The following TRAK2 variants were observed in gnomAD, a reference collection of about 807,000 sequenced individuals.
TRAK2 encodes trafficking kinesin protein 2.
In TRAK2, 81 loss-of-function variants were observed where a neutral mutation model predicts 104.6. The ratio of observed to expected loss-of-function variants is 0.77; its 90% CI spans 0.65 to 0.93. The LOEUF is 0.93. TRAK2 is among the 40% of genes least tolerant of loss of function. The pLI is 0.00. For synonymous variants in TRAK2, 406 were observed against 394.4 expected (o/e 1.03, Z -0.35); for missense variants, 1,002 against 1,089.0 (o/e 0.92, Z 1.12).
At position 201,377,553 on chromosome 2, in the gene TRAK2, A is replaced by G. The variant is rs1228907999; in HGVS notation, c.*2990T>C. The G allele has an allele frequency of 6.6e-6, 1 of 152,580 alleles. No individual in the cohort carries two copies. The highest frequency in any genetic ancestry group is 1.5e-5 in the Non-Finnish European group (1 of 68,038). 9.5% of individuals were successfully genotyped at this position (152,580 alleles called of 1,614,324 possible). ...CTGTACTAAAATGGTCAGAAAAGAT[A>G]ACAAGCTTTGAGTACTGTGTAAAAT... On this transcript the variant is annotated 3_prime_UTR_variant, in exon 16 of 16. Coordinates refer to ENST00000332624, the MANE Select transcript of TRAK2 (RefSeq NM_015049.3).
At chr2:201,401,192 C>T (rs912849710) in intron 3 of TRAK2, 98 bp from the exon 4 acceptor site, 2 of 704,532 alleles carry the variant, frequency 2.8e-6, no homozygotes, top group Admixed American at 2.9e-5. Flanking sequence ...AAAACCCCAG[C>T]CTTTTACAAA....
rs1310696920 is a variant in TRAK2, at chr2:201,429,539, G to A, written c.-199-8833C>T. 2.0e-5 allele frequency among the ~76,000 whole-genome samples: 3 copies of A among 152,090 alleles called. No homozygotes were observed. In the East Asian group the frequency reaches 5.8e-4, roughly 29 times the overall value. On this transcript the variant is annotated intron_variant, in intron 1 of 15. Transcript: ENST00000332624. ...TTGGTCTTTTCACACAGTCCCATAT[G>A]CCCTGGAGGCTTTGTTCATTTCTTT...
chr2:201,395,969 T>C (rs1406199129), intron 7 of TRAK2, among the ~76,000 whole-genome samples: 1 of 152,228 alleles, frequency 6.6e-6, no homozygotes, highest in Non-Finnish European at 1.5e-5. Flanking sequence ...CTTTCTGGCA[T>C]ACCCCTTTCA....
At chr2:201,412,838 G>T in intron 2 of TRAK2, 1 of 861,698 alleles carries the variant, frequency 1.2e-6, no homozygotes, top group Non-Finnish European at 2.0e-6. Flanking sequence ...GAAACCTGAA[G>T]CAAACCACAT....
intron 2 of TRAK2, chr2:201,411,458 T>C: frequency 1.3e-6 from 1 of 744,274 alleles, no homozygotes; most frequent in Non-Finnish European, 2.5e-6. Context: ...TTTGATTTCC[T>C]ATGTCCAAAG....
chr2:201,389,276 T>A (rs750592621), intron 12 of TRAK2, 24 bp downstream of exon 12: 2 of 1,605,624 alleles, frequency 1.2e-6, no homozygotes, highest in Admixed American at 1.7e-5. Flanking sequence ...AAATGCAGAA[T>A]CACTGTTATC....
intron 2 of TRAK2, among the ~76,000 whole-genome samples, chr2:201,414,201 T>G (rs1951672758): frequency 6.6e-6 from 1 of 152,186 alleles, no homozygotes; most frequent in Admixed American, 6.5e-5. Context: ...TGAGCTTTTG[T>G]GTTTTTATGT....
Position 201,389,453 on chromosome 2 carries a change from C to G in TRAK2, c.1244G>C (p.Arg415Pro). 1.2e-6 allele frequency: 2 copies of G among 1,614,066 alleles called. No individual in the cohort carries two copies. The highest frequency in any genetic ancestry group is 1.7e-6 in the Non-Finnish European group (2 of 1,179,998). Reference sequence around the variant, plus strand: ...AGCTGGGAATGAGATAGAGCGGCCCCGTGTGTCATTGGCAATCCTGACGGT... The same window carrying G: ...AGCTGGGAATGAGATAGAGCGGCCCGGTGTGTCATTGGCAATCCTGACGGT... ...FDTVRIANDT[R>P]GRSISFPALL... The change falls in exon 12 of 16, where the codon CGG (arginine) becomes CCG (proline). Residue 415 changes from arginine (R) to proline (P), a missense_variant. Transcript: ENST00000332624.
At chr2:201,411,140 A>G in intron 2 of TRAK2, 1 of 812,448 alleles carries the variant, frequency 1.2e-6, no homozygotes, top group South Asian at 1.5e-5. Context: ...CAGAAAGGCT[A>G]GTCAAAGATG....
chr2:201,395,106 C>A, intron 8 of TRAK2: 3 of 612,400 alleles, frequency 4.9e-6, no homozygotes, highest in Non-Finnish European at 5.5e-6. Flanking sequence ...AAGCACTAAC[C>A]CCATTTTACA....
intron 3 of TRAK2, among the ~76,000 whole-genome samples, chr2:201,403,335 C>A (rs111548814): frequency 6.6e-6 from 1 of 152,172 alleles, no homozygotes; most frequent in East Asian, 1.9e-4. Context: ...ATGTTCAAGA[C>A]CACGAAGAAA....
chr2:201,402,863 G>C (rs1019578513), intron 3 of TRAK2, among the ~76,000 whole-genome samples: 3 of 152,174 alleles, frequency 2.0e-5, no homozygotes, highest in African/African-American at 7.2e-5. Flanking sequence ...GGCGCTGGTA[G>C]TATGCAGAAG....
chr2:201,395,884 C>T (rs1951496830), intron 7 of TRAK2, among the ~76,000 whole-genome samples: 1 of 152,148 alleles, frequency 6.6e-6, no homozygotes, highest in Non-Finnish European at 1.5e-5. Flanking sequence ...AACAAAGGAA[C>T]ATTTCCAGAA....
At chr2:201,382,859 A>G (rs992582903) in intron 15 of TRAK2, among the ~76,000 whole-genome samples, 7 of 152,214 alleles carry the variant, frequency 4.6e-5, no homozygotes, top group African/African-American at 1.4e-4. Context: ...CATGGCTAAC[A>G]TAAGACTTTA....
intron 4 of TRAK2, among the ~76,000 whole-genome samples, chr2:201,400,154 G>T (rs13029007): frequency 0.5 from 76,581 of 151,738 alleles, 21,098 homozygotes; most frequent in South Asian, 0.67. Context: ...ATGCAGGGAA[G>T]TCTGTAGAAA....
chr2:201,399,490 C>G lies in TRAK2; in HGVS notation c.367G>C (p.Asp123His). The change falls in exon 5 of 16, where the codon GAT (aspartate) becomes CAT (histidine). Residue 123 changes from aspartate to histidine, a missense_variant. By Grantham distance (81) the Asp-to-His change is moderately conservative. Coordinates refer to ENST00000332624, the MANE Select transcript of TRAK2 (RefSeq NM_015049.3). ...CGAGCAGCGAGTTCCAGATCACGAT[C>G]CCTCTGTTAAAATACCAAATACACC... Reference protein sequence around the residue: ...DMVTHLLAERDRDLELAARIG... With the variant: ...DMVTHLLAERHRDLELAARIG... The G allele has an allele frequency of 6.2e-6, 10 of 1,611,066 alleles. No homozygotes were observed. The highest frequency in any genetic ancestry group is 8.5e-6 in the Non-Finnish European group (10 of 1,177,692).
Position 201,436,737 on chromosome 2 carries a change from A to C in TRAK2, c.-200+14613T>G, listed in dbSNP as rs555808529. Among the ~76,000 whole-genome samples the C allele has an allele frequency of 5.9e-5, 9 of 152,300 alleles. 1 individual carries two copies. In the South Asian group the frequency reaches 1.5e-3, roughly 25 times the overall value. On this transcript the variant is annotated intron_variant, in intron 1 of 15. Transcript: ENST00000332624. ...AGTTATTTAAAAATTATAGTCCTTA[A>C]GGCCTTCAGAAGCAGAAGTCCCCAT...
At chr2:201,395,532 T>C in intron 7 of TRAK2, 88 bp from the exon 8 acceptor site, 1 of 1,306,320 alleles carries the variant, frequency 7.7e-7, no homozygotes, top group South Asian at 2.0e-5. Flanking sequence ...TCTTGTTTTA[T>C]AACAAGCACT....
intron 9 of TRAK2, 26 bp from the exon 10 acceptor site, chr2:201,393,072 T>G: frequency 6.3e-7 from 1 of 1,580,134 alleles, no homozygotes; most frequent in Non-Finnish European, 8.6e-7. Context: ...GTAGTGTACT[T>G]TATTGCCTTC....
Sources: allele counts gnomAD v4.1 joint callset (sites outside exome capture counted in the v4.1 genomes callset), GRCh38; gene constraint gnomAD v4.1.1; transcripts MANE v1.5; gene names NCBI Gene and HGNC (gene_info 2026-07-23, HGNC 2026-07-21).